INO80: variants seen among roughly 807,000 people sequenced by gnomAD.
INO80 encodes chromatin-remodeling ATPase INO80.
INO80 carries 20 observed loss-of-function variants against 203.4 expected under a neutral mutation model. That is an observed-to-expected ratio of 0.10 (90% CI 0.07 to 0.14). The LOEUF (loss-of-function observed/expected upper bound fraction) is 0.14, where lower values mean the gene tolerates loss of function less well. Ranked by LOEUF, INO80 falls within the 10% of genes least tolerant of loss-of-function variation. The probability of loss-of-function intolerance (pLI) is 1.00; values close to 1 mark genes in which losing one functional copy is unlikely to be tolerated. For synonymous variants in INO80, 726 were observed against 685.2 expected, an observed-to-expected ratio of 1.06 and a Z score of -0.93; for missense variants, 1,419 against 1,914.4, an observed-to-expected ratio of 0.74 and a Z score of 4.83.
At chr15:41,007,027 T>C (rs777839900) in intron 27 of INO80, among the ~76,000 whole-genome samples, 1 of 152,108 alleles carries the variant, frequency 6.6e-6, no homozygotes, top group Admixed American at 6.5e-5. Context: ...AGAGGCTTGC[T>C]ATACCTTTTG....
chr15:41,076,408 G>A (rs948905758), intron 9 of INO80, among the ~76,000 whole-genome samples: 2 of 149,032 alleles, frequency 1.3e-5, no homozygotes, highest in African/African-American at 2.5e-5. Flanking sequence ...TTTCATCTGT[G>A]ATAATAATAG....
chr15:41,061,211 G>A (rs374766590), intron 14 of INO80, among the ~76,000 whole-genome samples: 3 of 152,120 alleles, frequency 2.0e-5, no homozygotes, highest in South Asian at 2.1e-4. Flanking sequence ...CGAGTCTAAG[G>A]CAGAATTGCT....
At position 41,072,882 on chromosome 15, in the gene INO80, G is replaced by A. The variant is rs7163525; in HGVS notation, c.1395+546C>T. ...AGCAAGCTCCGCCTACCGGGTTCACGTCATTCTCCTGCCTCAGCCTCCCGA... is the reference window on the plus strand; with the variant it reads ...AGCAAGCTCCGCCTACCGGGTTCACATCATTCTCCTGCCTCAGCCTCCCGA... On this transcript the variant is annotated intron_variant, in intron 11 of 35. Transcript: ENST00000648947. Among the ~76,000 whole-genome samples the A allele has an allele frequency of 2.3e-3, 345 of 151,594 alleles. 1 individual carries two copies. Among genetic ancestry groups the A allele is most frequent in the African/African-American group, 7.7e-3 (317 of 41,360 alleles).
chr15:41,069,272 T>C (rs903664731), intron 14 of INO80, among the ~76,000 whole-genome samples: 4 of 151,092 alleles, frequency 2.6e-5, no homozygotes, highest in African/African-American at 9.7e-5. Flanking sequence ...GTTCAAGCGA[T>C]TCTCCTGCCT....
intron 1 of INO80, among the ~76,000 whole-genome samples, chr15:41,103,586 T>A (rs116168773): frequency 0.022 from 3,363 of 152,110 alleles, 126 homozygotes; most frequent in African/African-American, 0.077. Flanking sequence ...AGACGGGATT[T>A]TATCATGTTG....
intron 24 of INO80, among the ~76,000 whole-genome samples, chr15:41,041,254 A>C (rs1209806202): frequency 6.6e-6 from 1 of 151,518 alleles, no homozygotes; most frequent in Non-Finnish European, 1.5e-5. Flanking sequence ...ATGCTTGGCT[A>C]ATTTTTGTAT....
chr15:41,088,948 G>C (rs536172389), intron 5 of INO80, among the ~76,000 whole-genome samples: 80 of 152,132 alleles, frequency 5.3e-4, no homozygotes, highest in African/African-American at 1.8e-3. Context: ...CAGCACTTTG[G>C]AAGGCCAAGG....
chr15:40,991,779 T>C (rs2043819706), intron 29 of INO80, among the ~76,000 whole-genome samples: 2 of 151,716 alleles, frequency 1.3e-5, no homozygotes, highest in Admixed American at 6.6e-5. Flanking sequence ...AAAATTTCTT[T>C]CTTTTTTTTT....
intron 24 of INO80, among the ~76,000 whole-genome samples, chr15:41,038,734 T>G (rs905509411): frequency 3.3e-5 from 5 of 152,208 alleles, no homozygotes; most frequent in African/African-American, 1.2e-4. Flanking sequence ...CACTTGAAAC[T>G]TTTGCTTAAC....
Position 40,987,157 on chromosome 15 carries a change from G to T in INO80, c.3766C>A (p.Pro1256Thr). 6.2e-7 allele frequency: 1 copy of T among 1,613,484 alleles called. No individual in the cohort carries two copies. Among genetic ancestry groups the T allele is most frequent in the Non-Finnish European group, 8.5e-7 (1 of 1,179,440 alleles). ...RMVISGGNFK[P>T]DTLKPKEVVS... ...ACCTCTTTGGGTTTCAAGGTATCTG[G>T]TTTGAAGTTCCCACCTGAAATCACC... Residue 1256 changes from proline to threonine, a missense_variant, in exon 31 of 36, where the codon CCA becomes ACA. This residue lies in a region of INO80 where 65 missense variants were observed against 186.7 expected (regional missense o/e 0.35). Coordinates refer to ENST00000648947, the MANE Select transcript of INO80 (RefSeq NM_017553.3).
chr15:41,068,213 G>A (rs1305088207), intron 14 of INO80, among the ~76,000 whole-genome samples: 2 of 152,066 alleles, frequency 1.3e-5, no homozygotes, highest in Non-Finnish European at 2.9e-5. Flanking sequence ...CTAGAGGCCA[G>A]GAGTTCAAGA....
chr15:40,988,347 C>A (rs558114241), intron 29 of INO80, among the ~76,000 whole-genome samples: 7 of 152,262 alleles, frequency 4.6e-5, no homozygotes, highest in African/African-American at 1.7e-4. Context: ...GAAAAAAAAT[C>A]CCATAATCGT....
chr15:41,048,248 G>T lies in INO80; in HGVS notation c.2605C>A (p.Pro869Thr), dbSNP rs368326435. ...RWLRVLSPFA[P>T]DYIQRSLFHR... is the part of the protein sequence containing the mutation. ...AAGAGAGACCGTTGGATATAGTCTG[G>T]TGCAAATGGAGAAAGAACCCTTAAC... Residue 869 changes from proline (P) to threonine (T), a missense_variant, in exon 22 of 36, where the codon CCA becomes ACA. Around this residue, in one of 9 missense-constraint regions of INO80, gnomAD observed 302 missense variants for 345.4 expected, o/e 0.87. Transcript: ENST00000648947. 1.9e-6 allele frequency: 3 copies of T among 1,613,294 alleles called. No individual in the cohort carries two copies. Among genetic ancestry groups the T allele is most frequent in the Middle Eastern group, 3.3e-4 (2 of 6,056 alleles).
chr15:41,009,501 C>A (rs897764748), intron 27 of INO80, among the ~76,000 whole-genome samples: 1 of 150,146 alleles, frequency 6.7e-6, no homozygotes, highest in Non-Finnish European at 1.5e-5. Flanking sequence ...TTTGTTCTTG[C>A]GATAGTTTAC....
intron 25 of INO80, among the ~76,000 whole-genome samples, chr15:41,027,190 A>T (rs2044388340): frequency 6.6e-6 from 1 of 152,144 alleles, no homozygotes; most frequent in Middle Eastern, 3.2e-3. Flanking sequence ...AGGTGATATG[A>T]CCGGATCAAA....
chr15:41,043,916 CATT>C (rs1227382439), intron 24 of INO80, among the ~76,000 whole-genome samples: 2 of 152,110 alleles, frequency 1.3e-5, no homozygotes, highest in Admixed American at 1.3e-4. Flanking sequence ...TACACAACAT[CATT>C]ACTTTTCATG....
chr15:41,083,272 G>A (rs1369466047), intron 7 of INO80, among the ~76,000 whole-genome samples: 5 of 133,012 alleles, frequency 3.8e-5, no homozygotes, highest in African/African-American at 5.7e-5. Flanking sequence ...GCCAGACTCC[G>A]TCTCAAAAAA....
At chr15:41,038,568 C>T (rs1331966703) in intron 24 of INO80, among the ~76,000 whole-genome samples, 4 of 152,120 alleles carry the variant, frequency 2.6e-5, no homozygotes, top group Admixed American at 2.0e-4. Flanking sequence ...TGATATGGAA[C>T]TTAAGATTCC....
rs1354456831 is a variant in INO80 at position 41,020,941 on chromosome 15, C to T, written c.3233G>A (p.Ser1078Asn). 6.2e-7 allele frequency: 1 copy of T among 1,613,768 alleles called. No homozygotes were observed. The highest frequency in any genetic ancestry group is 1.1e-5 in the South Asian group (1 of 91,074). Residue 1078 changes from serine to asparagine, a missense_variant, in exon 26 of 36, where the codon AGC (serine) becomes AAC (asparagine). Physicochemically the swap from Ser to Asn is conservative, Grantham distance 46. Around this residue, in one of 9 missense-constraint regions of INO80, gnomAD observed 302 missense variants for 345.4 expected, o/e 0.87. Coordinates refer to ENST00000648947, the MANE Select transcript of INO80 (RefSeq NM_017553.3). ...AGACCAGCCATTCTGAGGTCTGATG[C>T]TCCACAGACCTCCAGCTGGCTCTGG... ...FFPEPAGGLW[S>N]IRPQNGWSFI...
Sources: allele counts gnomAD v4.1 joint callset (sites outside exome capture counted in the v4.1 genomes callset), GRCh38; gene constraint gnomAD v4.1.1; regional missense constraint gnomAD v4.1.1; transcripts MANE v1.5; gene names NCBI Gene and HGNC (gene_info 2026-07-23, HGNC 2026-07-21).